RBMS3: variants seen among roughly 807,000 people sequenced by gnomAD.
The protein encoded by RBMS3 is RNA binding motif single stranded interacting protein 3.
RBMS3 carries 27 observed loss-of-function variants against 66.8 expected under a neutral mutation model. The ratio of observed to expected loss-of-function variants is 0.40; its 90% confidence interval spans 0.30 to 0.56. The LOEUF (loss-of-function observed/expected upper bound fraction) is 0.56. RBMS3 is among the 20% of genes least tolerant of loss of function. The pLI is 0.40. For missense variants in RBMS3, 513 were observed against 549.5 expected, an observed-to-expected ratio of 0.93 and a Z score of 0.66; for synonymous variants, 188 against 183.0, an observed-to-expected ratio of 1.03 and a Z score of -0.22.
chr3:29,641,489 C>T (rs769756012), intron 4 of RBMS3, among the ~76,000 whole-genome samples: 6 of 151,940 alleles, frequency 3.9e-5, no homozygotes, highest in Non-Finnish European at 5.9e-5. Flanking sequence ...ATTTCATACA[C>T]GTTTTAATGT....
intron 6 of RBMS3, among the ~76,000 whole-genome samples, chr3:29,763,404 A>G (rs1448440158): frequency 6.6e-6 from 1 of 152,116 alleles, no homozygotes; most frequent in Non-Finnish European, 1.5e-5. Flanking sequence ...CAAGAAAAGC[A>G]CAGAAACTGA....
At chr3:29,590,660 T>C (rs1222649925) in intron 4 of RBMS3, among the ~76,000 whole-genome samples, 1 of 152,098 alleles carries the variant, frequency 6.6e-6, no homozygotes, top group East Asian at 1.9e-4. Context: ...TTACTGTTCT[T>C]GGCAACTTCA....
chr3:29,474,699 G>A (rs140069581), intron 2 of RBMS3, among the ~76,000 whole-genome samples: 136 of 152,334 alleles, frequency 8.9e-4, no homozygotes, highest in African/African-American at 3.0e-3. Flanking sequence ...ACGAAGAGGC[G>A]TACTGGTCTA....
intron 4 of RBMS3, among the ~76,000 whole-genome samples, chr3:29,654,107 A>C (rs1016163942): frequency 6.6e-6 from 1 of 152,200 alleles, no homozygotes; most frequent in Non-Finnish European, 1.5e-5. Context: ...TTTAGCTGGC[A>C]CTTCTGCCCT....
chr3:29,339,835 G>T (rs1485434139), intron 1 of RBMS3, among the ~76,000 whole-genome samples: 1 of 152,118 alleles, frequency 6.6e-6, no homozygotes, highest in Non-Finnish European at 1.5e-5. Flanking sequence ...ACGAACTATT[G>T]CCTTAAAGTC....
At chr3:29,690,838 T>A (rs563224067) in intron 4 of RBMS3, among the ~76,000 whole-genome samples, 3 of 152,364 alleles carry the variant, frequency 2.0e-5, no homozygotes, top group East Asian at 3.8e-4. Context: ...TAGTGTTAAT[T>A]TATCACCTAG....
intron 4 of RBMS3, among the ~76,000 whole-genome samples, chr3:29,597,789 A>G (rs2034908): frequency 0.15 from 22,634 of 151,934 alleles, 1,938 homozygotes; most frequent in East Asian, 0.32. Context: ...ATACCTTTCT[A>G]TAAAGGAAAT....
chr3:29,571,532 T>C (rs73046534), intron 3 of RBMS3, among the ~76,000 whole-genome samples: 1 of 152,292 alleles, frequency 6.6e-6, no homozygotes, highest in Non-Finnish European at 1.5e-5. Context: ...GAAGAGATTG[T>C]CCATTCTTCA....
chr3:29,804,932 T>A (rs1193829097), intron 6 of RBMS3, among the ~76,000 whole-genome samples: 1 of 86,580 alleles, frequency 1.2e-5, no homozygotes, highest in East Asian at 2.1e-4. Flanking sequence ...TGTGTGTGTG[T>A]GTGTGTGTGT....
intron 2 of RBMS3, among the ~76,000 whole-genome samples, chr3:29,472,696 C>T (rs2042778038): frequency 6.6e-6 from 1 of 151,782 alleles, no homozygotes; most frequent in Non-Finnish European, 1.5e-5. Flanking sequence ...GTTCGTTCCT[C>T]CCAGTGGGTT....
intron 4 of RBMS3, among the ~76,000 whole-genome samples, chr3:29,658,046 C>G (rs2050387718): frequency 6.6e-6 from 1 of 152,160 alleles, no homozygotes; most frequent in African/African-American, 2.4e-5. Flanking sequence ...ATGGACTACC[C>G]AGGTTTAAAT....
intron 4 of RBMS3, among the ~76,000 whole-genome samples, chr3:29,665,921 C>T (rs950059061): frequency 3.3e-5 from 5 of 152,160 alleles, no homozygotes; most frequent in Non-Finnish European, 7.3e-5. Flanking sequence ...AAATTCCTTA[C>T]AATGACTCCT....
intron 4 of RBMS3, among the ~76,000 whole-genome samples, chr3:29,640,029 G>A (rs576421458): frequency 1.3e-5 from 2 of 151,954 alleles, no homozygotes; most frequent in African/African-American, 4.8e-5. Flanking sequence ...CCATCAGGAA[G>A]CATGCTCTGG....
chr3:29,764,806 G>A (rs765490136), intron 6 of RBMS3, among the ~76,000 whole-genome samples: 2 of 151,912 alleles, frequency 1.3e-5, no homozygotes, highest in Non-Finnish European at 2.9e-5. Context: ...GAATATGCAG[G>A]CTATGATATT....
At chr3:29,498,186 G>T (rs1366305335) in intron 3 of RBMS3, among the ~76,000 whole-genome samples, 1 of 151,170 alleles carries the variant, frequency 6.6e-6, no homozygotes, top group Non-Finnish European at 1.5e-5. Context: ...GTAGAGACAG[G>T]GTTTCACCAT....
rs1559779335 is a variant in RBMS3 at position 29,897,487 on chromosome 3, T to G, written c.888+12T>G. ...TCTCCACATACCAGGTATGTCCAAT[T>G]TACCTGCACCTTAGGAGATATCTTT... On this transcript the variant is annotated intron_variant, in intron 9 of 14. Transcript: ENST00000383767. The G allele has an allele frequency of 6.3e-7, 1 of 1,596,806 alleles. No individual in the cohort carries two copies. Among genetic ancestry groups the G allele is most frequent in the African/African-American group, 1.3e-5 (1 of 74,394 alleles).
intron 1 of RBMS3, chr3:29,390,878 G>C (rs7623453): frequency 6.1e-6 from 1 of 165,278 alleles, no homozygotes; most frequent in Admixed American, 6.1e-5. Context: ...TGCTGGAGGC[G>C]TAGTGGACAT....
intron 6 of RBMS3, among the ~76,000 whole-genome samples, chr3:29,839,127 T>G (rs930729654): frequency 1.3e-5 from 2 of 152,158 alleles, no homozygotes; most frequent in East Asian, 3.8e-4. Flanking sequence ...CCAGTCTTCA[T>G]CTGTAGCCAT....
At chr3:29,542,758 A>G (rs2149015030) in intron 3 of RBMS3, among the ~76,000 whole-genome samples, 1 of 152,334 alleles carries the variant, frequency 6.6e-6, no homozygotes, top group East Asian at 1.9e-4. Flanking sequence ...AGGTTGACTG[A>G]CAGTTGTAAA....
Sources: allele counts gnomAD v4.1 joint callset (sites outside exome capture counted in the v4.1 genomes callset), GRCh38; gene constraint gnomAD v4.1.1; transcripts MANE v1.5; gene names NCBI Gene and HGNC (gene_info 2026-07-23, HGNC 2026-07-21).